The following AMZ1 variants were observed in gnomAD, a reference collection of about 807,000 sequenced individuals.
AMZ1 encodes the protein archaelysin family metallopeptidase 1, also known as archaemetzincin-1.
A neutral mutation model predicts 29.9 loss-of-function variants in AMZ1; 39 were observed. That is an observed-to-expected ratio of 1.30 (90% CI 1.01 to 1.70). The LOEUF (loss-of-function observed/expected upper bound fraction) is 1.70, where lower values mean the gene tolerates loss of function less well. Ranked by LOEUF, AMZ1 falls within the 40% of genes most tolerant of loss-of-function variation. The pLI, the probability that AMZ1 is intolerant of heterozygous loss-of-function variation, is 0.00. For missense variants in AMZ1, 1,041 were observed against 680.6 expected (o/e 1.53, Z -5.89); for synonymous variants, 458 against 304.0 (o/e 1.51, Z -5.27).
chr7:2,704,548 C>T (rs1016162117), intron 3 of AMZ1, among the ~76,000 whole-genome samples: 2 of 144,914 alleles, frequency 1.4e-5, no homozygotes, highest in Admixed American at 1.4e-4. Flanking sequence ...GTGAGTTCTA[C>T]AGTTTCCAGT....
At chr7:2,725,745 G>T (rs1789590765) in intron 4 of AMZ1, among the ~76,000 whole-genome samples, 1 of 152,244 alleles carries the variant, frequency 6.6e-6, no homozygotes. Context: ...TGCTCAAAAG[G>T]CGGCTTCAGC....
At chr7:2,735,698 CACT>C (rs1403450091) in intron 4 of AMZ1, among the ~76,000 whole-genome samples, 2 of 152,202 alleles carry the variant, frequency 1.3e-5, no homozygotes, top group Non-Finnish European at 2.9e-5. Context: ...GCATTTGTAT[CACT>C]ACTTGGAATG....
Position 2,708,574 on chromosome 7 carries a change from C to T in AMZ1, c.473-14C>T, listed in dbSNP as rs372906309. Reference sequence around the variant, plus strand: ...GCTGCCTCCTGACCCCATCCTCTGGCCCTCTCCCCGCAGACGGCATCCTGT... The same window carrying T: ...GCTGCCTCCTGACCCCATCCTCTGGTCCTCTCCCCGCAGACGGCATCCTGT... On this transcript the variant is annotated splice_polypyrimidine_tract_variant and intron_variant, in intron 3 of 6. Transcript: ENST00000683327. 5.0e-5 allele frequency: 80 copies of T among 1,611,414 alleles called. No individual in the cohort carries two copies. Among genetic ancestry groups the T allele is most frequent in the African/African-American group, 1.7e-4 (13 of 75,006 alleles).
At chr7:2,679,869 C>T (rs1429340440) in intron 1 of AMZ1, among the ~76,000 whole-genome samples, 1 of 152,186 alleles carries the variant, frequency 6.6e-6, no homozygotes, top group East Asian at 1.9e-4. Flanking sequence ...GGCCATAGCC[C>T]TGAAGGAGCT....
rs745875941 is a variant in AMZ1, at chr7:2,731,430, G to A, written n.550+21614G>A. 5 of 1,613,436 alleles carry A rather than the reference G, an allele frequency of 3.1e-6. No homozygotes were observed. The African/African-American group carries it at 6.7e-5, about 22-fold the overall frequency. On this transcript the variant is annotated intron_variant and non_coding_transcript_variant, in intron 4 of 4. Transcript: ENST00000489665. The surrounding 1 kb of genome is among the most constrained non-coding windows in gnomAD (Gnocchi z 6.0). ...CGGTCTTCACCTTCTCCACCAGGAGGTCCATCTTGTTGAGGAAGAGAATGA... is the reference window on the plus strand; with the variant it reads ...CGGTCTTCACCTTCTCCACCAGGAGATCCATCTTGTTGAGGAAGAGAATGA...
At chr7:2,720,989 G>A (rs552121803), downstream of AMZ1, among the ~76,000 whole-genome samples, 1 of 152,302 alleles carries the variant, frequency 6.6e-6, no homozygotes, top group South Asian at 2.1e-4. Flanking sequence ...CGTTATTTCT[G>A]TTTATACGAA....
Position 2,731,193 on chromosome 7 carries a change from G to C in AMZ1, n.550+21377G>C. The stretch of plus-strand genomic sequence containing the variant: ...GGGGCTTCCTCGCTCACTGCAGCAT[G>C]ATGTCCTTCAGGTTCTCCTGCAGGA... On this transcript the variant is annotated intron_variant and non_coding_transcript_variant, in intron 4 of 4. Coordinates refer to the AMZ1 transcript ENST00000489665. The surrounding 1 kb of genome is among the most constrained non-coding windows in gnomAD (Gnocchi z 6.0). 1 of 1,610,104 alleles carries C rather than the reference G, an allele frequency of 6.2e-7. No individual in the cohort carries two copies. The highest frequency in any genetic ancestry group is 1.1e-5 in the South Asian group (1 of 90,884).
At chr7:2,687,759 C>G (rs953853401), upstream of AMZ1, among the ~76,000 whole-genome samples, 3 of 151,902 alleles carry the variant, frequency 2.0e-5, no homozygotes, top group East Asian at 1.9e-4. Context: ...TCGTTCACCC[C>G]CTCACCTGGC....
Position 2,709,246 on chromosome 7 carries a change from T to G in AMZ1, c.771+2T>G. On this transcript the variant is annotated splice_donor_variant, in intron 5 of 6. Transcript: ENST00000683327. LOFTEE classifies it high-confidence loss of function. Reference sequence around the variant, plus strand: ...CTGGGGATGGTTCAGTGCTGCAAGGTGGGTGGGGGCTCTGGGGCTGGTAAG... The same window carrying G: ...CTGGGGATGGTTCAGTGCTGCAAGGGGGGTGGGGGCTCTGGGGCTGGTAAG... 1.3e-6 allele frequency: 2 copies of G among 1,490,846 alleles called. No individual in the cohort carries two copies. The highest frequency in any genetic ancestry group is 1.4e-5 in the South Asian group (1 of 72,006). The allele number at this position is 1,490,846 out of a possible 1,614,324, so 92.4% of individuals were successfully genotyped here.
upstream of AMZ1, among the ~76,000 whole-genome samples, chr7:2,763,526 T>C (rs564890692): frequency 2.6e-5 from 4 of 152,334 alleles, no homozygotes; most frequent in East Asian, 3.9e-4. Context: ...CTCCAGTCCA[T>C]GTCCCAAGCA....
upstream of AMZ1, chr7:2,688,137 C>T (rs1000181809): frequency 6.6e-6 from 1 of 152,314 alleles, no homozygotes; most frequent in Non-Finnish European, 1.5e-5. Flanking sequence ...CCCGCGGCCC[C>T]ACACCGGCCC....
At chr7:2,689,653 C>T (rs1787269897) in intron 1 of AMZ1, among the ~76,000 whole-genome samples, 1 of 152,226 alleles carries the variant, frequency 6.6e-6, no homozygotes, top group South Asian at 2.1e-4. Context: ...TCAGTTTCCC[C>T]ACCTGAAACA....
chr7:2,710,229 G>C (rs1479513107), intron 6 of AMZ1, among the ~76,000 whole-genome samples: 1 of 152,210 alleles, frequency 6.6e-6, no homozygotes, highest in Non-Finnish European at 1.5e-5. Flanking sequence ...GGTGGGAGCT[G>C]ACACAACAAG....
In AMZ1 at chr7:2,716,282, C is replaced by CT. The variant is rs986832269; in HGVS notation, c.*3408dup. ...CGCAGTCCTCTTCCGAAATCTCATT[C>CT]TTTTCCCTCTCTTCCTCCCCAAAAA... On this transcript the variant is annotated 3_prime_UTR_variant, in exon 7 of 7. Coordinates refer to ENST00000683327, the MANE Select transcript of AMZ1 (RefSeq NM_001384743.1). 2.0e-5 allele frequency: 3 copies of CT among 151,916 alleles called. No individual in the cohort carries two copies. The highest frequency in any genetic ancestry group is 7.3e-5 in the African/African-American group (3 of 41,302). 9.4% of individuals were successfully genotyped at this position (151,916 alleles called of 1,614,324 possible). A position where few individuals can be genotyped will look rare whatever the true frequency, so the allele number is the denominator to read the frequency against.
At chr7:2,729,840 T>C (rs1789798552) in intron 4 of AMZ1, 1 of 152,374 alleles carries the variant, frequency 6.6e-6, no homozygotes, top group Admixed American at 6.5e-5. Context: ...TGGAATGCAA[T>C]GTATTTTAAA....
chr7:2,755,298 T>G (rs552351099), intron 4 of AMZ1, among the ~76,000 whole-genome samples: 1 of 152,356 alleles, frequency 6.6e-6, no homozygotes, highest in East Asian at 1.9e-4. Flanking sequence ...CAAAAGATCT[T>G]GCTGCGATTT....
At chr7:2,704,894 C>A (rs1469196517) in intron 3 of AMZ1, among the ~76,000 whole-genome samples, 1 of 152,116 alleles carries the variant, frequency 6.6e-6, no homozygotes, top group Admixed American at 6.6e-5. Context: ...CTGCGCCCGG[C>A]CCAGTGTCAC....
intron 4 of AMZ1, among the ~76,000 whole-genome samples, chr7:2,738,149 G>A (rs948820040): frequency 3.9e-5 from 6 of 152,176 alleles, no homozygotes; most frequent in Non-Finnish European, 8.8e-5. Context: ...AGGACCAGGC[G>A]TGGTGGCTCA....
At chr7:2,693,878 C>T (rs895003632) in intron 1 of AMZ1, among the ~76,000 whole-genome samples, 1 of 152,200 alleles carries the variant, frequency 6.6e-6, no homozygotes, top group African/African-American at 2.4e-5. Context: ...TCCAACAGGA[C>T]CTGTCACCTT....
Sources: allele counts gnomAD v4.1 joint callset (sites outside exome capture counted in the v4.1 genomes callset), GRCh38; gene constraint gnomAD v4.1.1; non-coding constraint Gnocchi (gnomAD v3.1); transcripts MANE v1.5; gene names NCBI Gene and HGNC (gene_info 2026-07-23, HGNC 2026-07-21).